CREBBP: variants seen among roughly 807,000 people sequenced by gnomAD.
CREBBP encodes the protein CREB binding lysine acetyltransferase, also known as CREB-binding protein.
A neutral mutation model predicts 265.0 loss-of-function variants in CREBBP; 19 were observed. The ratio of observed to expected loss-of-function variants is 0.07; its 90% confidence interval spans 0.05 to 0.11. The LOEUF is 0.11. CREBBP is among the 10% of genes least tolerant of loss of function. The pLI, the probability that CREBBP is intolerant of heterozygous loss-of-function variation, is 1.00. For missense variants in CREBBP, 2,525 were observed against 3,219.0 expected (o/e 0.78, Z 5.22); for synonymous variants, 1,457 against 1,223.7 (o/e 1.19, Z -3.98).
rs764944722 is a variant in CREBBP, at chr16:3,879,977, G to T, written c.-61C>A. On this transcript the variant is annotated 5_prime_UTR_variant, in exon 1 of 31. Transcript: ENST00000262367. ...CGGCCGGGCCGGCGAGGGCCCGGAC[G>T]GGGGTCGGGGGCCCTGCCGGCTGCG... 31 of 1,508,090 alleles carry T rather than the reference G, an allele frequency of 2.1e-5. No homozygotes were observed. In the Admixed American group the frequency reaches 5.6e-4, roughly 27 times the overall value. 93.4% of individuals were successfully genotyped at this position (1,508,090 alleles called of 1,614,324 possible).
At chr16:3,848,302 C>A (rs1395409185) in intron 2 of CREBBP, among the ~76,000 whole-genome samples, 1 of 152,116 alleles carries the variant, frequency 6.6e-6, no homozygotes, top group Non-Finnish European at 1.5e-5. Flanking sequence ...TGTACAAAGT[C>A]TAACTTCTAC....
chr16:3,764,462 G>T (rs1342680767), intron 16 of CREBBP, among the ~76,000 whole-genome samples: 1 of 151,688 alleles, frequency 6.6e-6, no homozygotes, highest in East Asian at 1.9e-4. Context: ...GTTTTGTAGA[G>T]ACAGGGTCTC....
chr16:3,863,408 G>A (rs957580206), intron 1 of CREBBP, among the ~76,000 whole-genome samples: 1 of 152,078 alleles, frequency 6.6e-6, no homozygotes, highest in East Asian at 1.9e-4. Flanking sequence ...ATCAAGACCC[G>A]TCTGGCCAAC....
intron 24 of CREBBP, 116 bp downstream of exon 24, chr16:3,740,283 G>A: frequency 6.9e-6 from 9 of 1,296,012 alleles, no homozygotes; most frequent in South Asian, 2.4e-5. Context: ...GCACGCATTC[G>A]CTGCTGCAAA....
At chr16:3,871,302 G>C (rs372258126) in intron 1 of CREBBP, among the ~76,000 whole-genome samples, 3 of 151,898 alleles carry the variant, frequency 2.0e-5, no homozygotes, top group East Asian at 3.9e-4. Flanking sequence ...TGGGAGCTGG[G>C]ACTCACAGTC....
chr16:3,879,770 T>C (rs1250116963), intron 1 of CREBBP, 62 bp downstream of exon 1: 1 of 1,511,582 alleles, frequency 6.6e-7, no homozygotes, highest in African/African-American at 1.4e-5. Flanking sequence ...CCCCGGACGC[T>C]CTCTTTCAGG....
intron 2 of CREBBP, among the ~76,000 whole-genome samples, chr16:3,849,475 GTGTGTGTGT>G (rs1199716526): frequency 1.5e-4 from 19 of 124,208 alleles, no homozygotes; most frequent in Non-Finnish European, 2.9e-4. Flanking sequence ...GTGTGTGTGT[GTGTGTGTGT>G]GTGTGATGTG....
chr16:3,819,351 T>C (rs1567337851), intron 2 of CREBBP, among the ~76,000 whole-genome samples: 1 of 152,344 alleles, frequency 6.6e-6, no homozygotes, highest in South Asian at 2.1e-4. Context: ...CAAGTTCCTA[T>C]ATGCGAAGCA....
intron 13 of CREBBP, 115 bp downstream of exon 13, chr16:3,773,636 T>TTCCA: frequency 9.0e-7 from 1 of 1,111,468 alleles, no homozygotes; most frequent in Non-Finnish European, 1.3e-6. Context: ...TACAAAGACA[T>TTCCA]GAAATGTGCA....
chr16:3,760,994 G>T (rs1334186543), intron 16 of CREBBP, among the ~76,000 whole-genome samples: 1 of 151,968 alleles, frequency 6.6e-6, no homozygotes, highest in Non-Finnish European at 1.5e-5. Context: ...CACTCTTGTT[G>T]TCTAGGCTGG....
rs751994170 is a variant in CREBBP at position 3,774,590 on chromosome 16, G to A, written c.2262C>T (p.Asn754=). Reference sequence around the variant, plus strand: ...TTACCCCTGGCACTGAGCCCATGCTGTTCATCTGGACAGAGTGGTTCATTG... The same window carrying A: ...TTACCCCTGGCACTGAGCCCATGCTATTCATCTGGACAGAGTGGTTCATTG... ...ASPMNHSVQM[N]SMGSVPGMAI... The change falls in exon 12 of 31, where the codon AAC becomes AAT. Residue 754 remains asparagine, a synonymous_variant. Coordinates refer to ENST00000262367, the MANE Select transcript of CREBBP (RefSeq NM_004380.3). The A allele has an allele frequency of 6.2e-7, 1 of 1,614,198 alleles. No homozygotes were observed. The highest frequency in any genetic ancestry group is 1.1e-5 in the South Asian group (1 of 91,086).
chr16:3,808,120 G>A (rs2053866130), intron 3 of CREBBP, among the ~76,000 whole-genome samples: 2 of 150,766 alleles, frequency 1.3e-5, no homozygotes, highest in Middle Eastern at 3.2e-3. Flanking sequence ...GAAAGAGAGG[G>A]GGTGGGGAGA....
chr16:3,783,462 A>C (rs923887213), intron 5 of CREBBP, among the ~76,000 whole-genome samples: 2 of 152,264 alleles, frequency 1.3e-5, no homozygotes, highest in South Asian at 4.1e-4. Flanking sequence ...TCCAAATCAC[A>C]TAATTGCAAG....
intron 13 of CREBBP, among the ~76,000 whole-genome samples, chr16:3,771,713 G>A (rs1166705364): frequency 6.6e-6 from 1 of 151,676 alleles, no homozygotes; most frequent in Non-Finnish European, 1.5e-5. Context: ...TGGAAATGCT[G>A]GACAAATAAA....
chr16:3,794,273 A>G (rs1233757035), intron 3 of CREBBP, among the ~76,000 whole-genome samples: 2 of 127,150 alleles, frequency 1.6e-5, no homozygotes, highest in East Asian at 5.3e-4. Flanking sequence ...CGGAGCTTGC[A>G]GTGAGCTGAG....
chr16:3,732,002 G>A (rs2051930743), intron 28 of CREBBP, 65 bp from the exon 29 acceptor site: 2 of 1,612,550 alleles, frequency 1.2e-6, no homozygotes, highest in African/African-American at 1.3e-5. Flanking sequence ...CGGACGCCCA[G>A]CTCCCAGGCC....
At chr16:3,750,278 T>C (rs1028529977) in intron 20 of CREBBP, among the ~76,000 whole-genome samples, 1 of 152,210 alleles carries the variant, frequency 6.6e-6, no homozygotes, top group Admixed American at 6.5e-5. Flanking sequence ...GGGAAATAAA[T>C]TGAAAATGTA....
chr16:3,824,228 G>C (rs148050078), intron 2 of CREBBP, among the ~76,000 whole-genome samples: 2 of 152,274 alleles, frequency 1.3e-5, no homozygotes, highest in Non-Finnish European at 2.9e-5. Flanking sequence ...CTGCAAAGGC[G>C]AGCTAAATGG....
intron 2 of CREBBP, among the ~76,000 whole-genome samples, chr16:3,844,449 T>C (rs535741244): frequency 2.0e-5 from 3 of 152,292 alleles, no homozygotes; most frequent in Admixed American, 6.5e-5. Flanking sequence ...AAAAAGAAAT[T>C]TGATAAAACC....
Sources: allele counts gnomAD v4.1 joint callset (sites outside exome capture counted in the v4.1 genomes callset), GRCh38; gene constraint gnomAD v4.1.1; transcripts MANE v1.5; gene names NCBI Gene and HGNC (gene_info 2026-07-23, HGNC 2026-07-21).